The following SMYD3 variants were observed in gnomAD, a reference collection of about 807,000 sequenced individuals.
The protein encoded by SMYD3 is histone-lysine N-methyltransferase SMYD3.
In SMYD3, 36 loss-of-function variants were observed where a neutral mutation model predicts 57.7. That is an observed-to-expected ratio of 0.62 (90% CI 0.48 to 0.82). The LOEUF is 0.82. Ranked by LOEUF, SMYD3 falls within the 40% of genes least tolerant of loss-of-function variation. SMYD3 has a pLI of 0.00. For missense variants in SMYD3, 515 were observed against 538.8 expected (o/e 0.96, Z 0.44); for synonymous variants, 211 against 195.0 (o/e 1.08, Z -0.68).
intron 5 of SMYD3, among the ~76,000 whole-genome samples, chr1:246,138,337 A>G (rs572770162): frequency 6.6e-6 from 1 of 152,232 alleles, no homozygotes; most frequent in East Asian, 1.9e-4. Flanking sequence ...AAAACAAAAT[A>G]AAGCCCGAAC....
intron 5 of SMYD3, among the ~76,000 whole-genome samples, chr1:246,135,888 G>GT (rs1201182603): frequency 6.6e-6 from 1 of 152,104 alleles, no homozygotes; most frequent in East Asian, 1.9e-4. Flanking sequence ...TTTCTGTCCT[G>GT]TTTTTTAAAG....
intron 10 of SMYD3, among the ~76,000 whole-genome samples, chr1:245,796,581 A>AT (rs936627061): frequency 3.3e-5 from 5 of 152,150 alleles, no homozygotes; most frequent in African/African-American, 1.2e-4. Context: ...ACAGGAAACA[A>AT]TTTTTTTCCA....
rs563836411 is a variant in SMYD3 at position 246,291,760 on chromosome 1, A to C, written c.531+35441T>G. ...TCATAGTTAACTTGCAGAATGAGGA[A>C]GCTAATTACAGTAGAAAGAAGAAAA... On this transcript the variant is annotated intron_variant, in intron 5 of 11. Transcript: ENST00000490107. 3.9e-5 allele frequency among the ~76,000 whole-genome samples: 6 copies of C among 152,354 alleles called. No individual in the cohort carries two copies. The South Asian group carries it at 1.2e-3, about 32-fold the overall frequency.
intron 1 of SMYD3, among the ~76,000 whole-genome samples, chr1:246,433,260 G>A (rs964152194): frequency 1.4e-4 from 22 of 152,076 alleles, no homozygotes; most frequent in African/African-American, 5.1e-4. Flanking sequence ...TAATCAAAGA[G>A]GTAAAAGATC....
chr1:246,088,046 C>T (rs558694287), intron 5 of SMYD3, among the ~76,000 whole-genome samples: 4 of 152,272 alleles, frequency 2.6e-5, no homozygotes, highest in African/African-American at 4.8e-5. Flanking sequence ...AGATGCTCTT[C>T]GTCCTCTGTG....
intron 1 of SMYD3, among the ~76,000 whole-genome samples, chr1:246,496,009 T>C (rs1338066877): frequency 6.6e-6 from 1 of 151,604 alleles, no homozygotes; most frequent in Non-Finnish European, 1.5e-5. Context: ...TGTTGAAATA[T>C]TTTCGTCAGT....
Position 245,757,218 on chromosome 1 carries a change from A to G in SMYD3, c.1185+6823T>C, listed in dbSNP as rs536944982. On this transcript the variant is annotated intron_variant, in intron 11 of 11. Transcript: ENST00000490107. ...TATTTCACTATTCTAGGTACCTCAT[A>G]TAAGTGGAATAATATGATATTTGTT... Among the ~76,000 whole-genome samples, 8 of 152,162 alleles carry G rather than the reference A, an allele frequency of 5.3e-5. No homozygotes were observed. In the East Asian group the frequency reaches 9.7e-4, roughly 18 times the overall value.
At chr1:246,016,300 T>G (rs2059375356) in intron 5 of SMYD3, among the ~76,000 whole-genome samples, 2 of 151,196 alleles carry the variant, frequency 1.3e-5, no homozygotes, top group Non-Finnish European at 2.9e-5. Context: ...GAAACAGAAC[T>G]GGCTGGGCGC....
chr1:246,473,307 G>A (rs753022283), intron 1 of SMYD3, among the ~76,000 whole-genome samples: 1 of 152,110 alleles, frequency 6.6e-6, no homozygotes, highest in Non-Finnish European at 1.5e-5. Context: ...TTTGAGTTCA[G>A]AATATATTTA....
intron 10 of SMYD3, among the ~76,000 whole-genome samples, chr1:245,798,854 C>T (rs1187749996): frequency 6.6e-6 from 1 of 152,130 alleles, no homozygotes; most frequent in Non-Finnish European, 1.5e-5. Flanking sequence ...CCCTAGAACA[C>T]CATCAACCCC....
At chr1:246,038,484 G>A (rs765452351) in intron 5 of SMYD3, among the ~76,000 whole-genome samples, 2 of 152,020 alleles carry the variant, frequency 1.3e-5, no homozygotes, top group African/African-American at 2.4e-5. Flanking sequence ...GAGCATCCTG[G>A]TGGGAGCCAG....
At chr1:246,209,997 C>T (rs1231966068) in intron 5 of SMYD3, among the ~76,000 whole-genome samples, 1 of 152,098 alleles carries the variant, frequency 6.6e-6, no homozygotes, top group Non-Finnish European at 1.5e-5. Flanking sequence ...ACTAATTCTT[C>T]GACTTCAGTA....
intron 8 of SMYD3, among the ~76,000 whole-genome samples, chr1:245,882,190 T>G (rs750935632): frequency 6.6e-6 from 1 of 152,162 alleles, no homozygotes; most frequent in Non-Finnish European, 1.5e-5. Flanking sequence ...TTATACATGT[T>G]GCTGGAAGGG....
At chr1:245,937,733 C>A (rs541786818) in intron 5 of SMYD3, among the ~76,000 whole-genome samples, 3 of 152,230 alleles carry the variant, frequency 2.0e-5, no homozygotes, top group Non-Finnish European at 4.4e-5. Flanking sequence ...TCCCATGTAT[C>A]GCACTTAAAG....
intron 1 of SMYD3, among the ~76,000 whole-genome samples, chr1:246,402,566 T>G (rs2066790919): frequency 6.6e-6 from 1 of 152,176 alleles, no homozygotes; most frequent in Non-Finnish European, 1.5e-5. Flanking sequence ...TATGTTCTTA[T>G]GAATCAATGC....
chr1:246,437,649 T>C (rs1197039057), intron 1 of SMYD3, among the ~76,000 whole-genome samples: 2 of 152,352 alleles, frequency 1.3e-5, no homozygotes, highest in East Asian at 3.9e-4. Flanking sequence ...TGCTAAAAGA[T>C]AACGCTATGA....
intron 5 of SMYD3, among the ~76,000 whole-genome samples, chr1:246,002,820 G>C (rs898555017): frequency 6.6e-6 from 1 of 151,850 alleles, no homozygotes; most frequent in African/African-American, 2.4e-5. Flanking sequence ...TGCAATCATC[G>C]CTCACCGCAG....
intron 5 of SMYD3, among the ~76,000 whole-genome samples, chr1:246,308,185 T>C (rs1426033345): frequency 6.6e-6 from 1 of 152,168 alleles, no homozygotes; most frequent in African/African-American, 2.4e-5. Context: ...AATATAACTA[T>C]ATTTATTTAT....
intron 5 of SMYD3, among the ~76,000 whole-genome samples, chr1:246,227,691 T>C (rs1421239818): frequency 6.6e-6 from 1 of 152,120 alleles, no homozygotes; most frequent in East Asian, 1.9e-4. Context: ...TGAAACTCCG[T>C]CCTAAAGATT....
Sources: gnomAD v4.1 joint callset for allele counts (sites outside exome capture counted in the v4.1 genomes callset) on GRCh38, gnomAD v4.1.1 for gene constraint, MANE v1.5 for transcripts, NCBI Gene and HGNC (gene_info 2026-07-23, HGNC 2026-07-21) for gene names.